IDH2: variants seen among roughly 807,000 people sequenced by gnomAD.
The protein encoded by IDH2 is isocitrate dehydrogenase (NADP(+)) 2, also known as isocitrate dehydrogenase [NADP], mitochondrial.
In IDH2, 18 loss-of-function variants were observed where a neutral mutation model predicts 50.5. That is an observed-to-expected ratio of 0.36 (90% CI 0.25 to 0.53). The LOEUF is 0.53. Ranked by LOEUF, IDH2 falls within the 20% of genes least tolerant of loss-of-function variation. The pLI, the probability that IDH2 is intolerant of heterozygous loss-of-function variation, is 0.92. For missense variants in IDH2, 518 were observed against 610.7 expected, an observed-to-expected ratio of 0.85 and a Z score of 1.60; for synonymous variants, 280 against 239.8, an observed-to-expected ratio of 1.17 and a Z score of -1.55.
intron 5 of IDH2, 86 bp from the exon 6 acceptor site, chr15:90,087,661 T>C (rs959766978): frequency 1.4e-5 from 21 of 1,525,502 alleles, no homozygotes; most frequent in Non-Finnish European, 1.9e-5. Context: ...AAGGCCCAGC[T>C]CTCCAGGAAC....
Position 90,085,237 on chromosome 15 carries a change from G to T in IDH2, c.1080+38C>A, listed in dbSNP as rs750522764. On this transcript the variant is annotated intron_variant, in intron 8 of 10. Coordinates refer to ENST00000330062, the MANE Select transcript of IDH2 (RefSeq NM_002168.4). This position sits in a 1 kb window ranked among gnomAD's most constrained non-coding sequence, Gnocchi z 5.5. ...GCCCAGTGGGCTTTAGGCCCCTGGG[G>T]TAGAGGGGCATTGTGAGGCCCCATG... 3 of 1,514,772 alleles carry T rather than the reference G, an allele frequency of 2.0e-6. No individual in the cohort carries two copies. Among genetic ancestry groups the T allele is most frequent in the Admixed American group, 1.9e-5 (1 of 52,016 alleles). 93.8% of individuals were successfully genotyped at this position (1,514,772 alleles called of 1,614,324 possible).
chr15:90,090,742 G>T, intron 2 of IDH2, 98 bp from the exon 3 acceptor site: 1 of 1,317,372 alleles, frequency 7.6e-7, no homozygotes, highest in Non-Finnish European at 1.1e-6. Flanking sequence ...GCAGGGGACA[G>T]TCAGTCAAAA....
chr15:90,098,027 TG>T lies in IDH2; in HGVS notation c.115+4248del, dbSNP rs1901225958. ...TGAGACCCCTGTCTGCTGTTCAGCC[TG>T]TATGGTGGAGATACAGCCATGGTCT... On this transcript the variant is annotated intron_variant, in intron 1 of 10. Transcript: ENST00000330062. The surrounding 1 kb of genome is among the most constrained non-coding windows in gnomAD (Gnocchi z 5.1). 6.6e-6 allele frequency among the ~76,000 whole-genome samples: 1 copy of T among 152,150 alleles called. No individual in the cohort carries two copies. The highest frequency in any genetic ancestry group is 2.4e-5 in the African/African-American group (1 of 41,432).
intron 1 of IDH2, among the ~76,000 whole-genome samples, chr15:90,092,849 G>C (rs1341610734): frequency 6.6e-6 from 1 of 152,228 alleles, no homozygotes; most frequent in African/African-American, 2.4e-5. Context: ...AAAGTGCTGG[G>C]ATTACAGGCG....
At chr15:90,087,706 G>A in intron 5 of IDH2, 131 bp from the exon 6 acceptor site, 1 of 975,830 alleles carries the variant, frequency 1.0e-6, no homozygotes, top group Non-Finnish European at 1.6e-6. Context: ...TTTAACACCA[G>A]CCTCCGTGCA....
rs1397409764 is a variant in IDH2 at position 90,100,700 on chromosome 15, T to C, written c.115+1576A>G. The C allele has an allele frequency of 1.1e-6, 1 of 950,130 alleles. No individual in the cohort carries two copies. Among genetic ancestry groups the C allele is most frequent in the Non-Finnish European group, 1.3e-6 (1 of 797,786 alleles). 58.9% of individuals were successfully genotyped at this position (950,130 alleles called of 1,614,324 possible). ...GCCCCAAAATATTCTTTCCTTGTCA[T>C]CAAGGGGAATGCCAAGTATTCTGTC... On this transcript the variant is annotated intron_variant, in intron 1 of 10. Transcript: ENST00000330062. This position sits in a 1 kb window ranked among gnomAD's most constrained non-coding sequence, Gnocchi z 4.1.
At position 90,088,391 on chromosome 15, in the gene IDH2, C is replaced by T. The variant is rs370851685; in HGVS notation, c.646G>A (p.Gly216Ser). The T allele has an allele frequency of 1.2e-5, 19 of 1,614,026 alleles. No individual in the cohort carries two copies. The highest frequency in any genetic ancestry group is 2.2e-5 in the East Asian group (1 of 44,886). The change falls in exon 5 of 11, where the codon GGC becomes AGC. Residue 216 changes from glycine (G) to serine (S), a missense_variant. Transcript: ENST00000330062. ...GTGTTGTACATGCCCATGCCCACGC[C>T]GCCTGCGGGGAAGTTGTACACTTCC... ...EWEVYNFPAGGVGMGMYNTDE... is the reference protein window; with the variant it reads ...EWEVYNFPAGSVGMGMYNTDE...
chr15:90,085,264 C>T lies in IDH2; in HGVS notation c.1080+11G>A, dbSNP rs1596072273. ...AGAGGGGCATTGTGAGGCCCCATGC[C>T]CTGCACTCACCTTCTGGTGCTCCCG... On this transcript the variant is annotated intron_variant, in intron 8 of 10. Coordinates refer to ENST00000330062, the MANE Select transcript of IDH2 (RefSeq NM_002168.4). This position sits in a 1 kb window ranked among gnomAD's most constrained non-coding sequence, Gnocchi z 5.5. 4 of 1,553,716 alleles carry T rather than the reference C, an allele frequency of 2.6e-6. No individual in the cohort carries two copies. Among genetic ancestry groups the T allele is most frequent in the South Asian group, 1.2e-5 (1 of 85,370 alleles).
Position 90,083,887 on chromosome 15 carries a change from GGT to G in IDH2, c.*377_*378del. 2 of 382,556 alleles carry G rather than the reference GGT, an allele frequency of 5.2e-6. No individual in the cohort carries two copies. 23.7% of individuals were successfully genotyped at this position (382,556 alleles called of 1,614,324 possible). On this transcript the variant is annotated 3_prime_UTR_variant, in exon 11 of 11. Transcript: ENST00000330062. ...TGGCAGCCCCTTCCTGAGGTGCTCT[GGT>G]CTGCCCCAGGGGAACCTGCCAGCTC...
intron 5 of IDH2, among the ~76,000 whole-genome samples, 186 bp from the exon 6 acceptor site, chr15:90,087,761 T>C (rs1429017747): frequency 6.6e-6 from 1 of 150,732 alleles, no homozygotes; most frequent in African/African-American, 2.4e-5. Flanking sequence ...CTCTCAACTT[T>C]GCTTTGTAAA....
chr15:90,099,366 C>T (rs1331204854), intron 1 of IDH2, among the ~76,000 whole-genome samples: 1 of 152,168 alleles, frequency 6.6e-6, no homozygotes, highest in East Asian at 1.9e-4. Flanking sequence ...TGGCCTGCTT[C>T]CTCCCCTCCT....
In IDH2 at chr15:90,084,912, T is replaced by C. The variant is rs1900816938; in HGVS notation, c.1179-4A>G. The C allele has an allele frequency of 6.2e-7, 1 of 1,613,636 alleles. No individual in the cohort carries two copies. The highest frequency in any genetic ancestry group is 1.7e-5 in the Admixed American group (1 of 59,996). On this transcript the variant is annotated splice_polypyrimidine_tract_variant and splice_region_variant and intron_variant, in intron 9 of 10. Transcript: ENST00000330062. The surrounding 1 kb of genome is among the most constrained non-coding windows in gnomAD (Gnocchi z 5.0). ...CTTCTCCAGCATCTGGGCAAACCTA[T>C]GGGGATGGGGCAGAATGAGACCCCA... is the stretch of plus-strand genomic sequence containing the variant.
chr15:90,091,986 C>G (rs1901051200), intron 1 of IDH2, among the ~76,000 whole-genome samples: 1 of 152,198 alleles, frequency 6.6e-6, no homozygotes, highest in Admixed American at 6.5e-5. Context: ...TGCCTGGGAA[C>G]TGCGCACACG....
At chr15:90,101,523 G>C (rs1240701396) in intron 1 of IDH2, among the ~76,000 whole-genome samples, 2 of 152,112 alleles carry the variant, frequency 1.3e-5, no homozygotes, top group East Asian at 3.9e-4. Context: ...AGGGTACCCA[G>C]AAGCCGTGGG....
chr15:90,095,089 A>G (rs549406418), intron 1 of IDH2, among the ~76,000 whole-genome samples: 10 of 152,208 alleles, frequency 6.6e-5, no homozygotes, highest in African/African-American at 2.2e-4. Flanking sequence ...TTAATCTAAA[A>G]ATAATCTTAG....
chr15:90,084,812 G>A lies in IDH2; in HGVS notation c.1271+4C>T, dbSNP rs780421375. ...GGGTCTGCCTACCACCCCAGGCCAC[G>A]CACTTGCTGAGGCCGTGAATGCAGC... On this transcript the variant is annotated splice_donor_region_variant and intron_variant, in intron 10 of 10. Transcript: ENST00000330062. This position sits in a 1 kb window ranked among gnomAD's most constrained non-coding sequence, Gnocchi z 5.0. 1.4e-5 allele frequency: 23 copies of A among 1,611,052 alleles called. No homozygotes were observed. The South Asian group carries it at 1.4e-4, about 10-fold the overall frequency.
chr15:90,086,711 CT>C (rs1900868746), intron 7 of IDH2, among the ~76,000 whole-genome samples: 1 of 152,156 alleles, frequency 6.6e-6, no homozygotes, highest in Non-Finnish European at 1.5e-5. Context: ...GGTTTGCAGG[CT>C]TCCCCAACAT....
intron 1 of IDH2, among the ~76,000 whole-genome samples, chr15:90,092,146 A>T (rs1901055500): frequency 6.6e-6 from 1 of 152,176 alleles, no homozygotes; most frequent in Non-Finnish European, 1.5e-5. Flanking sequence ...TAATTTTTTC[A>T]TTATATATTA....
intron 3 of IDH2, among the ~76,000 whole-genome samples, chr15:90,090,066 T>G (rs1267019991): frequency 2.1e-5 from 3 of 140,356 alleles, no homozygotes; most frequent in African/African-American, 8.3e-5. Context: ...ATCCTTACTG[T>G]GACCACATCA....
Sources: allele counts gnomAD v4.1 joint callset (sites outside exome capture counted in the v4.1 genomes callset), GRCh38; gene constraint gnomAD v4.1.1; non-coding constraint Gnocchi (gnomAD v3.1); transcripts MANE v1.5; gene names NCBI Gene and HGNC (gene_info 2026-07-23, HGNC 2026-07-21).